PDGFRL: variants seen among roughly 807,000 people sequenced by gnomAD.
The protein encoded by PDGFRL is platelet-derived growth factor receptor-like protein.
Under a neutral mutation model 37.2 loss-of-function variants are expected in PDGFRL, and 46 were observed. The observed-to-expected ratio is 1.24, with a 90% CI of 0.98 to 1.58. The LOEUF is 1.58. Among genes scored for constraint, PDGFRL ranks in the 40% most tolerant of loss-of-function variants. The probability of loss-of-function intolerance (pLI) is 0.00; values close to 1 mark genes in which losing one functional copy is unlikely to be tolerated. For synonymous variants in PDGFRL, 251 were observed against 184.3 expected (o/e 1.36, Z -2.93); for missense variants, 692 against 467.6 (o/e 1.48, Z -4.43).
chr8:17,599,653 G>C (rs1804126352), intron 2 of PDGFRL, among the ~76,000 whole-genome samples: 1 of 152,180 alleles, frequency 6.6e-6, no homozygotes, highest in Non-Finnish European at 1.5e-5. Context: ...CCTCACGTTT[G>C]CTTGGCAAAA....
intron 1 of PDGFRL, among the ~76,000 whole-genome samples, chr8:17,580,637 G>A (rs940557987): frequency 6.6e-6 from 1 of 152,140 alleles, no homozygotes; most frequent in South Asian, 2.1e-4. Flanking sequence ...TAAGGAAGTG[G>A]TAAGTGGCAT....
intron 2 of PDGFRL, among the ~76,000 whole-genome samples, chr8:17,595,952 G>T (rs1335568251): frequency 6.6e-6 from 1 of 152,230 alleles, no homozygotes; most frequent in Non-Finnish European, 1.5e-5. Flanking sequence ...GGTTCCTCAG[G>T]TTGAGCCTCC....
intron 1 of PDGFRL, among the ~76,000 whole-genome samples, chr8:17,586,447 C>T (rs1041289272): frequency 2.6e-5 from 4 of 152,166 alleles, no homozygotes; most frequent in Admixed American, 6.5e-5. Flanking sequence ...GAAAAAGCAA[C>T]AATATGCTAA....
chr8:17,626,504 G>T (rs997924506), intron 3 of PDGFRL, among the ~76,000 whole-genome samples: 1 of 152,156 alleles, frequency 6.6e-6, no homozygotes, highest in Admixed American at 6.5e-5. Context: ...ATTTGATGAT[G>T]TGTCCAGGAA....
chr8:17,577,310 G>A lies in PDGFRL; in HGVS notation c.55+3G>A. The A allele has an allele frequency of 1.2e-6, 2 of 1,611,954 alleles. No homozygotes were observed. Among genetic ancestry groups the A allele is most frequent in the Non-Finnish European group, 8.5e-7 (1 of 1,179,022 alleles). ...GGTGCACGAAGCGCTGGAGGATGGT[G>A]AGTGACTCTGGGCGCGGGGCCACCT... is the stretch of plus-strand genomic sequence containing the variant. On this transcript the variant is annotated splice_donor_region_variant and intron_variant, in intron 1 of 5. Coordinates refer to ENST00000251630, the MANE Select transcript of PDGFRL (RefSeq NM_001372073.1).
chr8:17,590,632 A>T (rs1431312999), intron 2 of PDGFRL, among the ~76,000 whole-genome samples: 3 of 151,306 alleles, frequency 2.0e-5, no homozygotes, highest in African/African-American at 7.3e-5. Flanking sequence ...GAGTCGCTTG[A>T]ACCCGGGATG....
At chr8:17,605,689 TA>T (rs888467029) in intron 2 of PDGFRL, among the ~76,000 whole-genome samples, 1 of 152,212 alleles carries the variant, frequency 6.6e-6, no homozygotes, top group Admixed American at 6.5e-5. Flanking sequence ...ATCACAGCAG[TA>T]AAAACAAGAT....
chr8:17,596,667 T>C (rs1804059343), intron 2 of PDGFRL, among the ~76,000 whole-genome samples: 1 of 152,228 alleles, frequency 6.6e-6, no homozygotes, highest in South Asian at 2.1e-4. Flanking sequence ...AAACAAATTT[T>C]GACTCTTTGA....
chr8:17,608,872 C>T (rs1380899289), intron 2 of PDGFRL, among the ~76,000 whole-genome samples: 1 of 152,068 alleles, frequency 6.6e-6, no homozygotes, highest in East Asian at 1.9e-4. Flanking sequence ...TAAGTGATGA[C>T]CTGATTGTTG....
intron 1 of PDGFRL, among the ~76,000 whole-genome samples, chr8:17,588,994 C>G (rs2150812038): frequency 1.3e-5 from 2 of 152,180 alleles, no homozygotes; most frequent in East Asian, 3.9e-4. Context: ...TAAAATTAAT[C>G]AAAAGATGAT....
At chr8:17,584,750 T>A (rs894150230) in intron 1 of PDGFRL, among the ~76,000 whole-genome samples, 1 of 151,022 alleles carries the variant, frequency 6.6e-6, no homozygotes, top group African/African-American at 2.4e-5. Context: ...CTTTAAACAG[T>A]GGTAGTGTTA....
In PDGFRL at chr8:17,577,433, C is replaced by T. The variant is rs1803610449; in HGVS notation, c.55+126C>T. On this transcript the variant is annotated intron_variant, in intron 1 of 5. Coordinates refer to ENST00000251630, the MANE Select transcript of PDGFRL (RefSeq NM_001372073.1). ...GCCCTCGGTGGCTCAGCCCCCGCGCCACTGCCTGCCCGGTGCACCTGCCCC... is the reference window on the plus strand; with the variant it reads ...GCCCTCGGTGGCTCAGCCCCCGCGCTACTGCCTGCCCGGTGCACCTGCCCC... 7 of 778,682 alleles carry T rather than the reference C, an allele frequency of 9.0e-6. No homozygotes were observed. In the South Asian group the frequency reaches 1.0e-4, roughly 11 times the overall value. 48.2% of individuals were successfully genotyped at this position (778,682 alleles called of 1,614,324 possible).
intron 3 of PDGFRL, among the ~76,000 whole-genome samples, chr8:17,623,187 T>C (rs1227419002): frequency 6.6e-6 from 1 of 152,164 alleles, no homozygotes; most frequent in Non-Finnish European, 1.5e-5. Context: ...GCCAAACCTG[T>C]TTTTCTGACC....
chr8:17,582,124 G>C (rs1222219062), intron 1 of PDGFRL, among the ~76,000 whole-genome samples: 2 of 152,176 alleles, frequency 1.3e-5, no homozygotes, highest in Admixed American at 1.3e-4. Context: ...AACTTATTGG[G>C]AGCTGGAGAA....
intron 2 of PDGFRL, among the ~76,000 whole-genome samples, chr8:17,590,889 T>C (rs1171937598): frequency 1.1e-4 from 1 of 9,066 alleles, no homozygotes; most frequent in African/African-American, 1.5e-4. Flanking sequence ...TTATTATTAA[T>C]TTTTTTTTTT....
At chr8:17,628,413 T>C (rs1241953594) in intron 3 of PDGFRL, 74 bp from the exon 4 acceptor site, 1 of 1,184,730 alleles carries the variant, frequency 8.4e-7, no homozygotes, top group East Asian at 2.3e-5. Context: ...CAGAGTATGC[T>C]GCCAAAATCC....
intron 1 of PDGFRL, among the ~76,000 whole-genome samples, chr8:17,585,838 A>G (rs1803803199): frequency 6.6e-6 from 1 of 152,206 alleles, no homozygotes; most frequent in African/African-American, 2.4e-5. Flanking sequence ...GATGAATAAG[A>G]TTTGATTGTG....
chr8:17,583,276 C>A (rs926581573), intron 1 of PDGFRL, among the ~76,000 whole-genome samples: 1 of 152,202 alleles, frequency 6.6e-6, no homozygotes, highest in South Asian at 2.1e-4. Context: ...GTGGGGATCC[C>A]AGAATTAGAG....
chr8:17,589,805 T>A, intron 2 of PDGFRL, 40 bp downstream of exon 2: 1 of 1,227,630 alleles, frequency 8.1e-7, no homozygotes, highest in Non-Finnish European at 1.2e-6. Context: ...GTTGAGGATT[T>A]GTAATAGTTA....
Sources: allele counts gnomAD v4.1 joint callset (sites outside exome capture counted in the v4.1 genomes callset), GRCh38; gene constraint gnomAD v4.1.1; transcripts MANE v1.5; gene names NCBI Gene and HGNC (gene_info 2026-07-23, HGNC 2026-07-21).